The following ENOX1 variants were observed in gnomAD, a reference collection of about 807,000 sequenced individuals.
ENOX1 encodes ecto-NOX disulfide-thiol exchanger 1.
A neutral mutation model predicts 82.5 loss-of-function variants in ENOX1; 42 were observed. That is an observed-to-expected ratio of 0.51 (90% CI 0.40 to 0.66). The LOEUF is 0.66. Among genes scored for constraint, ENOX1 ranks in the 30% least tolerant of loss-of-function variants. The pLI is 0.00. For synonymous variants in ENOX1, 271 were observed against 282.2 expected (o/e 0.96, Z 0.40); for missense variants, 608 against 811.6 (o/e 0.75, Z 3.05).
rs61212622 is a variant in ENOX1, at chr13:43,439,041, C to CTTT, written c.-74-26056_-74-26054dup. On this transcript the variant is annotated intron_variant, in intron 3 of 16. Transcript: ENST00000690772. ...TAAATGAACTTTCCTGTCTTTTAAT[C>CTTT]TTTTTTTTTTTTTTTTTTTGAGCGG... 1.5e-4 allele frequency among the ~76,000 whole-genome samples: 18 copies of CTTT among 120,144 alleles called. 1 individual carries two copies. The highest frequency in any genetic ancestry group is 5.6e-4 in the African/African-American group (18 of 32,048). 78.8% of individuals were successfully genotyped at this position (120,144 alleles called of 152,430 possible).
intron 15 of ENOX1, among the ~76,000 whole-genome samples, chr13:43,235,425 T>C (rs1340357784): frequency 6.6e-6 from 1 of 152,174 alleles, no homozygotes; most frequent in East Asian, 1.9e-4. Flanking sequence ...GGTGAGCACA[T>C]GCAGTATTTA....
At chr13:43,567,820 A>C (rs951534295) in intron 2 of ENOX1, among the ~76,000 whole-genome samples, 4 of 152,220 alleles carry the variant, frequency 2.6e-5, no homozygotes, top group African/African-American at 4.8e-5. Context: ...CTTTGCATTT[A>C]ACAAGCTAGA....
chr13:43,564,902 C>T (rs2153707199), intron 2 of ENOX1, among the ~76,000 whole-genome samples: 1 of 152,216 alleles, frequency 6.6e-6, no homozygotes, highest in African/African-American at 2.4e-5. Flanking sequence ...CCATTCATTC[C>T]TTCACTCAGT....
chr13:43,441,453 G>C (rs60169094), intron 3 of ENOX1, among the ~76,000 whole-genome samples: 65 of 152,228 alleles, frequency 4.3e-4, no homozygotes, highest in African/African-American at 1.6e-3. Context: ...AAAAAGACAG[G>C]AGTAGTAAAA....
intron 2 of ENOX1, among the ~76,000 whole-genome samples, chr13:43,649,314 C>T (rs1208090559): frequency 6.6e-6 from 1 of 152,174 alleles, no homozygotes; most frequent in Non-Finnish European, 1.5e-5. Flanking sequence ...AGTTCCCAGA[C>T]ACACGCAAAC....
chr13:43,713,521 C>T (rs976847179), intron 1 of ENOX1, among the ~76,000 whole-genome samples: 2 of 152,020 alleles, frequency 1.3e-5, no homozygotes, highest in African/African-American at 2.4e-5. Context: ...TGGTAGAATT[C>T]GGCTGTGAAT....
intron 2 of ENOX1, among the ~76,000 whole-genome samples, chr13:43,608,108 A>C (rs909934054): frequency 6.6e-6 from 1 of 152,202 alleles, no homozygotes; most frequent in Non-Finnish European, 1.5e-5. Flanking sequence ...TTAGAAACAT[A>C]TCCTCTTCAC....
intron 1 of ENOX1, among the ~76,000 whole-genome samples, chr13:43,691,375 C>A (rs979146437): frequency 6.6e-6 from 1 of 151,978 alleles, no homozygotes; most frequent in Non-Finnish European, 1.5e-5. Flanking sequence ...TGGAATCCAT[C>A]CTACTCGTCT....
At chr13:43,777,089 G>T (rs1166266606) in intron 1 of ENOX1, among the ~76,000 whole-genome samples, 4 of 152,188 alleles carry the variant, frequency 2.6e-5, no homozygotes. Context: ...CTTTAAAAAG[G>T]TTCGCTTGTT....
chr13:43,622,194 G>C (rs2082764096), intron 2 of ENOX1, among the ~76,000 whole-genome samples: 1 of 152,110 alleles, frequency 6.6e-6, no homozygotes, highest in Non-Finnish European at 1.5e-5. Flanking sequence ...ACCTTTCTCT[G>C]GTCCCTCCCT....
At chr13:43,293,024 T>C (rs1007912630) in intron 12 of ENOX1, among the ~76,000 whole-genome samples, 3 of 145,430 alleles carry the variant, frequency 2.1e-5, no homozygotes, top group Non-Finnish European at 1.5e-5. Flanking sequence ...AGAGTCACCA[T>C]CCCCACCACA....
chr13:43,312,521 A>G (rs2047262767), intron 11 of ENOX1, among the ~76,000 whole-genome samples: 3 of 152,160 alleles, frequency 2.0e-5, no homozygotes. Context: ...GGTTTGAGGA[A>G]CGTCTTCATT....
intron 2 of ENOX1, among the ~76,000 whole-genome samples, chr13:43,656,867 C>T (rs2084459458): frequency 6.6e-6 from 1 of 152,128 alleles, no homozygotes; most frequent in African/African-American, 2.4e-5. Flanking sequence ...ATAAACTTCC[C>T]CAGGAACATG....
At chr13:43,687,583 T>C (rs2086141819) in intron 1 of ENOX1, among the ~76,000 whole-genome samples, 1 of 152,142 alleles carries the variant, frequency 6.6e-6, no homozygotes, top group African/African-American at 2.4e-5. Flanking sequence ...ATCCTTACTC[T>C]AAGAAGGCAC....
chr13:43,476,876 T>C (rs1266029616), intron 3 of ENOX1, among the ~76,000 whole-genome samples: 3 of 152,070 alleles, frequency 2.0e-5, no homozygotes, highest in Admixed American at 6.6e-5. Context: ...AGTCACCTCA[T>C]ATATCCACTG....
intron 2 of ENOX1, among the ~76,000 whole-genome samples, chr13:43,577,469 G>C (rs1228529932): frequency 6.6e-6 from 1 of 152,168 alleles, no homozygotes; most frequent in East Asian, 1.9e-4. Context: ...CCAGTGTCTG[G>C]AGAGGGCTGT....
At chr13:43,237,821 CCAGCACA>C (rs1364311050) in intron 14 of ENOX1, among the ~76,000 whole-genome samples, 2 of 152,078 alleles carry the variant, frequency 1.3e-5, no homozygotes, top group East Asian at 3.9e-4. Flanking sequence ...AAAAATAAAC[CCAGCACA>C]TGCCATCAAA....
intron 3 of ENOX1, among the ~76,000 whole-genome samples, chr13:43,438,408 G>A (rs1242534163): frequency 6.6e-6 from 1 of 152,168 alleles, no homozygotes; most frequent in Non-Finnish European, 1.5e-5. Context: ...ATTGGAATGT[G>A]GAAGTGAGAG....
chr13:43,484,411 A>G (rs575205207), intron 2 of ENOX1, among the ~76,000 whole-genome samples: 4 of 152,316 alleles, frequency 2.6e-5, no homozygotes, highest in Non-Finnish European at 4.4e-5. Context: ...CTGGGATTGA[A>G]TAACTGTGGG....
Sources: gnomAD v4.1 joint callset for allele counts (sites outside exome capture counted in the v4.1 genomes callset) on GRCh38, gnomAD v4.1.1 for gene constraint, MANE v1.5 for transcripts, NCBI Gene and HGNC (gene_info 2026-07-23, HGNC 2026-07-21) for gene names.